The following SHISA9 variants were observed in gnomAD, a reference collection of about 807,000 sequenced individuals.
The protein encoded by SHISA9 is protein shisa-9.
Under a neutral mutation model 38.0 loss-of-function variants are expected in SHISA9, and 13 were observed. The ratio of observed to expected loss-of-function variants is 0.34; its 90% CI spans 0.22 to 0.54. The LOEUF is 0.54. Among genes scored for constraint, SHISA9 ranks in the 20% least tolerant of loss-of-function variants. SHISA9 has a pLI of 0.91. For missense variants in SHISA9, 538 were observed against 575.8 expected (o/e 0.93, Z 0.67); for synonymous variants, 275 against 242.0 (o/e 1.14, Z -1.27).
rs1232619222 is a variant in SHISA9, at chr16:13,087,755, A to T, written c.692-115639A>T. Among the ~76,000 whole-genome samples the T allele has an allele frequency of 2.6e-5, 4 of 152,052 alleles. No homozygotes were observed. The East Asian group carries it at 7.7e-4, about 29-fold the overall frequency. On this transcript the variant is annotated intron_variant, in intron 2 of 4. Transcript: ENST00000558583. ...TTTGTCAGATGGGTAGATTGCAAAAATTTTCTCCCATTCTGTAGGTTGCCT... is the reference window on the plus strand; with the variant it reads ...TTTGTCAGATGGGTAGATTGCAAAATTTTTCTCCCATTCTGTAGGTTGCCT...
At chr16:13,090,939 GT>G (rs2073768576) in intron 2 of SHISA9, among the ~76,000 whole-genome samples, 2 of 152,158 alleles carry the variant, frequency 1.3e-5, no homozygotes, top group African/African-American at 2.4e-5. Flanking sequence ...GGTACCAGTT[GT>G]TTCTTTCCAT....
chr16:13,434,419 G>T, the SHISA9 span, among the ~76,000 whole-genome samples: 202 of 64,444 alleles, frequency 3.1e-3, 1 homozygote, highest in Middle Eastern at 9.8e-3. Context: ...GACAAGCTAT[G>T]TTTTTTTTTT....
intron 2 of SHISA9, among the ~76,000 whole-genome samples, chr16:13,196,396 CAA>C (rs372256944): frequency 2.0e-5 from 2 of 101,390 alleles, no homozygotes; most frequent in Non-Finnish European, 3.9e-5. Flanking sequence ...GACTCCGTCT[CAA>C]AAAAAAAAAA....
chr16:12,958,162 T>C (rs777761137), intron 2 of SHISA9, among the ~76,000 whole-genome samples: 3 of 152,270 alleles, frequency 2.0e-5, no homozygotes, highest in Non-Finnish European at 4.4e-5. Flanking sequence ...GAATCTCCTG[T>C]AGGCTTCCAA....
At chr16:12,984,012 T>TA (rs2072274996) in intron 2 of SHISA9, among the ~76,000 whole-genome samples, 2 of 152,214 alleles carry the variant, frequency 1.3e-5, no homozygotes, top group Admixed American at 6.5e-5. Context: ...GGTGTTTTTT[T>TA]AAAAAATGTA....
At chr16:13,166,733 G>A (rs936731193) in intron 2 of SHISA9, among the ~76,000 whole-genome samples, 3 of 152,170 alleles carry the variant, frequency 2.0e-5, no homozygotes, top group African/African-American at 7.2e-5. Flanking sequence ...CATGGGATGC[G>A]ATAGTGGGAA....
chr16:13,504,423 C>T, the SHISA9 span, among the ~76,000 whole-genome samples: 1 of 152,128 alleles, frequency 6.6e-6, no homozygotes, highest in Non-Finnish European at 1.5e-5. Context: ...CACGGGCCAG[C>T]ATTGCTCAAG....
the SHISA9 span, among the ~76,000 whole-genome samples, chr16:13,475,367 A>G: frequency 1.6e-5 from 2 of 125,246 alleles, no homozygotes; most frequent in Non-Finnish European, 3.5e-5. Flanking sequence ...ATTTATATAT[A>G]TATGAAACAA....
chr16:13,230,833 G>C (rs11864853), intron 4 of SHISA9, among the ~76,000 whole-genome samples: 29,181 of 152,048 alleles, frequency 0.19, 3,077 homozygotes, highest in Admixed American at 0.31. Flanking sequence ...TTTATGCCTC[G>C]CCTTTTTCGA....
rs753095780 is a variant in SHISA9 at position 12,908,786 on chromosome 16, G to A, written c.563+6159G>A. 3.6e-4 allele frequency: 489 copies of A among 1,376,924 alleles called. 1 individual carries two copies. Among genetic ancestry groups the A allele is most frequent in the Non-Finnish European group, 4.3e-4 (459 of 1,064,126 alleles). 85.3% of individuals were successfully genotyped at this position (1,376,924 alleles called of 1,614,324 possible). A position where few individuals can be genotyped will look rare whatever the true frequency, so the allele number is the denominator to read the frequency against. On this transcript the variant is annotated intron_variant, in intron 1 of 4. Transcript: ENST00000558583. ...CAGGCCCAGACGTCTTGGTGGAGGCGTTGGTGAGAAATGACCTTGGGGACA... is the reference window on the plus strand; with the variant it reads ...CAGGCCCAGACGTCTTGGTGGAGGCATTGGTGAGAAATGACCTTGGGGACA...
chr16:13,485,278 G>T, the SHISA9 span, among the ~76,000 whole-genome samples: 1 of 152,006 alleles, frequency 6.6e-6, no homozygotes, highest in East Asian at 1.9e-4. Context: ...ACTTATGAGT[G>T]AGAACATGCA....
chr16:13,432,118 C>G, the SHISA9 span, among the ~76,000 whole-genome samples: 1 of 152,136 alleles, frequency 6.6e-6, no homozygotes, highest in Admixed American at 6.6e-5. Context: ...CATGTCATAC[C>G]CAGACTTGTA....
Position 13,236,109 on chromosome 16 carries a change from A to G in SHISA9, c.*700A>G, listed in dbSNP as rs2051381233. The G allele has an allele frequency of 6.6e-6, 1 of 152,174 alleles. No homozygotes were observed. The highest frequency in any genetic ancestry group is 1.5e-5 in the Non-Finnish European group (1 of 68,096). The allele number at this position is 152,174 out of a possible 1,614,324, so 9.4% of individuals were successfully genotyped here. A position where few individuals can be genotyped will look rare whatever the true frequency, so the allele number is the denominator to read the frequency against. On this transcript the variant is annotated 3_prime_UTR_variant, in exon 5 of 5. Transcript: ENST00000558583. ...CTCACAGAAAGTAAATAGACCCTGA[A>G]CCCACCGACAATGATGGGAAGGAAA...
chr16:13,190,460 C>A (rs1307785182), intron 2 of SHISA9, among the ~76,000 whole-genome samples: 1 of 152,180 alleles, frequency 6.6e-6, no homozygotes, highest in Non-Finnish European at 1.5e-5. Flanking sequence ...GATGCTACTT[C>A]AAATCAAAAT....
intron 2 of SHISA9, among the ~76,000 whole-genome samples, chr16:13,113,158 C>A (rs930843485): frequency 1.5e-5 from 2 of 132,248 alleles, no homozygotes; most frequent in Admixed American, 1.9e-4. Flanking sequence ...TGCAGTGAGC[C>A]AAGATCATCC....
At chr16:13,534,539 T>C in the SHISA9 span, among the ~76,000 whole-genome samples, 1 of 152,164 alleles carries the variant, frequency 6.6e-6, no homozygotes, top group Non-Finnish European at 1.5e-5. Flanking sequence ...GAATATTGAC[T>C]TATCAAGATG....
chr16:12,908,822 T>G, intron 1 of SHISA9: 1 of 1,319,276 alleles, frequency 7.6e-7, no homozygotes, highest in South Asian at 1.7e-5. Context: ...GAAGCACATA[T>G]GTGAAGCTCT....
chr16:12,932,296 T>C (rs941173867), intron 2 of SHISA9, among the ~76,000 whole-genome samples: 8 of 152,166 alleles, frequency 5.3e-5, no homozygotes, highest in Non-Finnish European at 1.0e-4. Flanking sequence ...TTCAAATATA[T>C]CTTATTTAAT....
chr16:13,353,159 C>G, the SHISA9 span, among the ~76,000 whole-genome samples: 4 of 151,976 alleles, frequency 2.6e-5, no homozygotes, highest in Non-Finnish European at 5.9e-5. Context: ...GTGTGGGAAC[C>G]TAGAGTGGGA....
Sources: allele counts gnomAD v4.1 joint callset (sites outside exome capture counted in the v4.1 genomes callset), GRCh38; gene constraint gnomAD v4.1.1; transcripts MANE v1.5; gene names NCBI Gene and HGNC (gene_info 2026-07-23, HGNC 2026-07-21).